The following SLC7A8 variants were observed in gnomAD, a reference collection of about 807,000 sequenced individuals.
The protein encoded by SLC7A8 is large neutral amino acids transporter small subunit 2.
A neutral mutation model predicts 51.2 loss-of-function variants in SLC7A8; 30 were observed. The ratio of observed to expected loss-of-function variants is 0.59; its 90% CI spans 0.44 to 0.80. The LOEUF (loss-of-function observed/expected upper bound fraction) is 0.80. SLC7A8 is among the 30% of genes least tolerant of loss of function. SLC7A8 has a pLI of 0.00. For synonymous variants in SLC7A8, 257 were observed against 275.8 expected (o/e 0.93, Z 0.67); for missense variants, 612 against 674.4 (o/e 0.91, Z 1.03).
chr14:23,139,454 C>T lies in SLC7A8; in HGVS notation c.882G>A (p.Gln294=). 6.2e-7 allele frequency: 1 copy of T among 1,614,130 alleles called. No individual in the cohort carries two copies. The change falls in exon 6 of 11, where the codon CAG becomes CAA. Residue 294 remains glutamine (Q), a synonymous_variant. Transcript: ENST00000316902. The stretch of plus-strand genomic sequence containing the variant: ...CGACGGCGTTGGATGCCAGCAGCTC[C>T]TGGGGGGACATTGCAGTGACATAAG... ...NVAYVTAMSP[Q]ELLASNAVAV...
At chr14:23,152,329 C>T (rs1306371869) in intron 3 of SLC7A8, among the ~76,000 whole-genome samples, 1 of 151,926 alleles carries the variant, frequency 6.6e-6, no homozygotes, top group Admixed American at 6.6e-5. Flanking sequence ...TGGGGTTTCG[C>T]CATGTTGCCC....
intron 1 of SLC7A8, among the ~76,000 whole-genome samples, chr14:23,172,874 G>A (rs892639539): frequency 2.6e-5 from 4 of 151,922 alleles, no homozygotes; most frequent in Non-Finnish European, 5.9e-5. Context: ...TGTTACTTTT[G>A]GTTAAGCTCT....
chr14:23,179,129 TCTC>T lies in SLC7A8; in HGVS notation c.151+3632_151+3634del, dbSNP rs144086961. 6.9e-3 allele frequency among the ~76,000 whole-genome samples: 1,047 copies of T among 152,240 alleles called. 20 individuals carry two copies. Among genetic ancestry groups the T allele is most frequent in the African/African-American group, 0.024 (977 of 41,532 alleles). On this transcript the variant is annotated intron_variant, in intron 1 of 10. Coordinates refer to ENST00000316902, the MANE Select transcript of SLC7A8 (RefSeq NM_012244.4). ...CAGAATCAGCTCCCCTACTTCATCTTCTCCTCAAAGCCTTCAAGATGCTTCTTA... is the reference window on the plus strand; with the variant it reads ...CAGAATCAGCTCCCCTACTTCATCTTCTCAAAGCCTTCAAGATGCTTCTTA...
intron 1 of SLC7A8, among the ~76,000 whole-genome samples, chr14:23,176,941 CAAA>C (rs10633003): frequency 8.2e-5 from 6 of 72,864 alleles, no homozygotes; most frequent in Admixed American, 1.6e-4. Flanking sequence ...GACTCTGTCT[CAAA>C]AAAAAAAAAA....
intron 4 of SLC7A8, among the ~76,000 whole-genome samples, chr14:23,140,836 A>G (rs2048738082): frequency 6.6e-6 from 1 of 152,248 alleles, no homozygotes; most frequent in Non-Finnish European, 1.5e-5. Flanking sequence ...CTACGAGTCC[A>G]AATGAGGGTT....
At chr14:23,136,759 G>T (rs999881675) in intron 7 of SLC7A8, among the ~76,000 whole-genome samples, 14 of 152,182 alleles carry the variant, frequency 9.2e-5, no homozygotes, top group African/African-American at 3.1e-4. Context: ...CCACTCTAAA[G>T]TGACTGTAGC....
At chr14:23,166,645 C>T in intron 1 of SLC7A8, 105 bp from the exon 2 acceptor site, 4 of 1,151,646 alleles carry the variant, frequency 3.5e-6, no homozygotes, top group Non-Finnish European at 3.8e-6. Context: ...TCTGAAATGC[C>T]TTGGATATAT....
chr14:23,127,508 C>T (rs574235720), intron 10 of SLC7A8, among the ~76,000 whole-genome samples, 165 bp from the exon 11 acceptor site: 3 of 152,346 alleles, frequency 2.0e-5, no homozygotes, highest in South Asian at 2.1e-4. Context: ...CTGCATCTCC[C>T]GCCGGCTACT....
At position 23,183,100 on chromosome 14, in the gene SLC7A8, T is replaced by A. The variant is rs1877258917; in HGVS notation, c.-186A>T. ...ATATTCCTACTCCGCATTCACACTT[T>A]CTGGTCACTCGCGTTTACAAACAAG... is the stretch of plus-strand genomic sequence containing the variant. On this transcript the variant is annotated 5_prime_UTR_variant, in exon 1 of 11. Transcript: ENST00000316902. 1 of 342,712 alleles carries A rather than the reference T, an allele frequency of 2.9e-6. No individual in the cohort carries two copies. Among genetic ancestry groups the A allele is most frequent in the African/African-American group, 2.2e-5 (1 of 44,590 alleles). The allele number at this position is 342,712 out of a possible 1,614,324, so 21.2% of individuals were successfully genotyped here. A position where few individuals can be genotyped will look rare whatever the true frequency, so the allele number is the denominator to read the frequency against.
chr14:23,135,721 TAA>T (rs1402932992), intron 7 of SLC7A8, among the ~76,000 whole-genome samples: 1 of 151,982 alleles, frequency 6.6e-6, no homozygotes, highest in Non-Finnish European at 1.5e-5. Context: ...AGAAAAATTT[TAA>T]GAGAATAATT....
At chr14:23,141,299 G>GA (rs558761260) in intron 4 of SLC7A8, among the ~76,000 whole-genome samples, 60 of 151,944 alleles carry the variant, frequency 3.9e-4, no homozygotes, top group African/African-American at 1.4e-3. Flanking sequence ...AAAGAAAAAA[G>GA]AAAAAAACAA....
chr14:23,137,257 G>A lies in SLC7A8; in HGVS notation c.1016+664C>T, dbSNP rs75572658. On this transcript the variant is annotated intron_variant, in intron 7 of 10. Coordinates refer to ENST00000316902, the MANE Select transcript of SLC7A8 (RefSeq NM_012244.4). Reference sequence around the variant, plus strand: ...TTCTGGCTTCTGAGAGTGCTCTGGGGTGGGGGTCACGGATAAAAGGCTCTT... The same window carrying A: ...TTCTGGCTTCTGAGAGTGCTCTGGGATGGGGGTCACGGATAAAAGGCTCTT... Among the ~76,000 whole-genome samples, 1,445 of 152,298 alleles carry A rather than the reference G, an allele frequency of 9.5e-3. 27 individuals carry two copies. The highest frequency in any genetic ancestry group is 0.033 in the African/African-American group (1,381 of 41,556).
At chr14:23,176,513 C>A (rs1473838409) in intron 1 of SLC7A8, among the ~76,000 whole-genome samples, 1 of 152,078 alleles carries the variant, frequency 6.6e-6, no homozygotes, top group Non-Finnish European at 1.5e-5. Context: ...AGTGGTGTGA[C>A]CCTAGGAAAA....
intron 3 of SLC7A8, among the ~76,000 whole-genome samples, chr14:23,153,387 C>T (rs1365177298): frequency 6.6e-6 from 1 of 152,182 alleles, no homozygotes; most frequent in African/African-American, 2.4e-5. Context: ...GCCCCGCCTT[C>T]CTTCATTATA....
chr14:23,127,213 C>T lies in SLC7A8; in HGVS notation c.1572G>A (p.Thr524=), dbSNP rs751866088. ...GCTGCCCCGCCACGTCCTTGTCCTT[C>T]GTGGGAGTGGGTTGGTACATGGGCT... The part of the protein sequence containing the change: ...QQQPMYQPTP[T]KDKDVAGQPQ... The change falls in exon 11 of 11, where the codon ACG becomes ACA. Residue 524 remains threonine (T), a synonymous_variant. Transcript: ENST00000316902. 93 of 1,613,976 alleles carry T rather than the reference C, an allele frequency of 5.8e-5. 1 individual carries two copies. In the Middle Eastern group the frequency reaches 6.6e-4, roughly 11 times the overall value.
chr14:23,161,797 T>C (rs2006065), intron 3 of SLC7A8, among the ~76,000 whole-genome samples: 144,082 of 151,996 alleles, frequency 0.95, 68,812 homozygotes, highest in East Asian at 1. Flanking sequence ...CATGGTGGCT[T>C]ATGCCTGTAA....
chr14:23,159,985 G>A (rs1044934745), intron 3 of SLC7A8, among the ~76,000 whole-genome samples: 1 of 152,234 alleles, frequency 6.6e-6, no homozygotes, highest in South Asian at 2.1e-4. Context: ...CATTCAGGGA[G>A]AAGTGGGGAA....
chr14:23,129,736 A>G lies in SLC7A8; in HGVS notation c.1177T>C (p.Phe393Leu). ...DMYTLINYVG[F>L]INYLFYGVTV... ...ACCCCATAGAAGAGGTAGTTGATGA[A>G]GCCCACATAGTTGATGAGTGTGTAC... Residue 393 changes from phenylalanine (F) to leucine (L), a missense_variant, in exon 9 of 11, where the codon TTC (phenylalanine) becomes CTC (leucine). Phe to Leu is a conservative substitution (Grantham distance 22, BLOSUM62 0). Transcript: ENST00000316902. 1 of 1,614,222 alleles carries G rather than the reference A, an allele frequency of 6.2e-7. No homozygotes were observed. The highest frequency in any genetic ancestry group is 8.5e-7 in the Non-Finnish European group (1 of 1,180,034).
intron 3 of SLC7A8, chr14:23,154,445 G>A: frequency 1.0e-6 from 1 of 987,710 alleles, no homozygotes; most frequent in South Asian, 4.7e-5. Flanking sequence ...GCGTGGGTGT[G>A]GCTACGCTCG....
Sources: allele counts gnomAD v4.1 joint callset (sites outside exome capture counted in the v4.1 genomes callset), GRCh38; gene constraint gnomAD v4.1.1; transcripts MANE v1.5; gene names NCBI Gene and HGNC (gene_info 2026-07-23, HGNC 2026-07-21).